The following KIF13B variants were observed in gnomAD, a reference collection of about 807,000 sequenced individuals.
KIF13B encodes kinesin family member 13B.
In KIF13B, 127 loss-of-function variants were observed where a neutral mutation model predicts 222.0. That is an observed-to-expected ratio of 0.57 (90% confidence interval 0.50 to 0.66). The LOEUF (loss-of-function observed/expected upper bound fraction) is 0.66, where lower values mean the gene tolerates loss of function less well. Among genes scored for constraint, KIF13B ranks in the 30% least tolerant of loss-of-function variants. The pLI, the probability that KIF13B is intolerant of heterozygous loss-of-function variation, is 0.00. For synonymous variants in KIF13B, 976 were observed against 919.0 expected (o/e 1.06, Z -1.12); for missense variants, 2,173 against 2,379.0 (o/e 0.91, Z 1.80).
At chr8:29,232,824 A>T (rs1815345757) in intron 2 of KIF13B, among the ~76,000 whole-genome samples, 1 of 152,022 alleles carries the variant, frequency 6.6e-6, no homozygotes, top group Non-Finnish European at 1.5e-5. Context: ...CACCCATACC[A>T]CTGCCCACTC....
At position 29,167,558 on chromosome 8, in the gene KIF13B, C is replaced by T. The variant is rs761608308; in HGVS notation, c.973G>A (p.Ala325Thr). The T allele has an allele frequency of 1.4e-5, 23 of 1,613,820 alleles. No homozygotes were observed. Among genetic ancestry groups the T allele is most frequent in the Middle Eastern group, 3.3e-4 (2 of 6,084 alleles). The change falls in exon 11 of 40, where the codon GCC (alanine) becomes ACC (threonine). Residue 325 changes from alanine (A) to threonine (T), a missense_variant. This residue lies in a region of KIF13B where 1,480 missense variants were observed against 1,722.8 expected (regional missense o/e 0.86). Transcript: ENST00000524189. Reference sequence around the variant, plus strand: ...GCAGGACTCACAGTAGCCACCATGGCGGTCTTGCTGTTACCCCCGAGGCTG... The same window carrying T: ...GCAGGACTCACAGTAGCCACCATGGTGGTCTTGCTGTTACCCCCGAGGCTG... ...KDSLGGNSKT[A>T]MVATVSPAAD...
chr8:29,084,410 T>C (rs558834437), intron 37 of KIF13B, among the ~76,000 whole-genome samples: 35 of 152,372 alleles, frequency 2.3e-4, no homozygotes, highest in Non-Finnish European at 4.4e-4. Context: ...TGGATAATTA[T>C]ACAGACACCT....
chr8:29,154,705 C>A (rs1199938434), intron 14 of KIF13B, among the ~76,000 whole-genome samples: 1 of 152,128 alleles, frequency 6.6e-6, no homozygotes, highest in African/African-American at 2.4e-5. Context: ...GATGACGTGG[C>A]CTGCTCTGTC....
At chr8:29,225,943 T>C (rs1435207718) in intron 2 of KIF13B, among the ~76,000 whole-genome samples, 3 of 152,150 alleles carry the variant, frequency 2.0e-5, no homozygotes, top group African/African-American at 4.8e-5. Context: ...AAGGGTGAAG[T>C]GAGAGGGAAC....
Position 29,071,514 on chromosome 8 carries a change from G to C in KIF13B, c.5218+106C>G. ...AGCTTCAGCCAAGCCGCTGCCTCCC[G>C]GCCCCTCCCTCTCCTGCCCGGACCC... On this transcript the variant is annotated intron_variant, in intron 39 of 39. Coordinates refer to ENST00000524189, the MANE Select transcript of KIF13B (RefSeq NM_015254.4). This position sits in a 1 kb window ranked among gnomAD's most constrained non-coding sequence, Gnocchi z 4.9. 1.9e-6 allele frequency: 2 copies of C among 1,046,098 alleles called. No individual in the cohort carries two copies. The highest frequency in any genetic ancestry group is 5.2e-5 in the East Asian group (2 of 38,210). The allele number at this position is 1,046,098 out of a possible 1,614,324, so 64.8% of individuals were successfully genotyped here.
chr8:29,075,565 A>G (rs1246246660), intron 37 of KIF13B, among the ~76,000 whole-genome samples: 1 of 145,834 alleles, frequency 6.9e-6, no homozygotes, highest in Non-Finnish European at 1.5e-5. Flanking sequence ...ACCAACACAC[A>G]TGGTGCACTT....
At chr8:29,247,483 T>C (rs1816079699) in intron 1 of KIF13B, among the ~76,000 whole-genome samples, 1 of 152,142 alleles carries the variant, frequency 6.6e-6, no homozygotes, top group Non-Finnish European at 1.5e-5. Flanking sequence ...ATCATGTATC[T>C]AATAAGGAAC....
rs138124103 is a variant in KIF13B, at chr8:29,256,187, A to G, written c.55+6793T>C. 2.9e-3 allele frequency among the ~76,000 whole-genome samples: 443 copies of G among 152,288 alleles called. 1 individual carries two copies. Among genetic ancestry groups the G allele is most frequent in the African/African-American group, 0.01 (428 of 41,556 alleles). ...CACTGACGACACACTGTTGACTGAG[A>G]CTAGAACTCATCATTTCCCACACCT... On this transcript the variant is annotated intron_variant, in intron 1 of 39. Coordinates refer to ENST00000524189, the MANE Select transcript of KIF13B (RefSeq NM_015254.4).
intron 14 of KIF13B, among the ~76,000 whole-genome samples, chr8:29,152,903 A>C (rs1188870297): frequency 2.0e-5 from 3 of 152,192 alleles, no homozygotes; most frequent in Non-Finnish European, 4.4e-5. Flanking sequence ...GTTAAGGAAT[A>C]TATATTAAGA....
rs2130442802 is a variant in KIF13B at position 29,205,711 on chromosome 8, T to C, written c.150-9512A>G. ...AGAATTAATAGCTATGAAATCAAAT[T>C]AAACCTAAAGCCTTTGTCTTCACTA... On this transcript the variant is annotated intron_variant, in intron 2 of 39. Coordinates refer to ENST00000524189, the MANE Select transcript of KIF13B (RefSeq NM_015254.4). Among the ~76,000 whole-genome samples, 3 of 152,264 alleles carry C rather than the reference T, an allele frequency of 2.0e-5. No individual in the cohort carries two copies. In the East Asian group the frequency reaches 5.8e-4, roughly 29 times the overall value.
At chr8:29,234,250 A>C (rs1360417833) in intron 2 of KIF13B, among the ~76,000 whole-genome samples, 1 of 152,164 alleles carries the variant, frequency 6.6e-6, no homozygotes, top group Admixed American at 6.5e-5. Context: ...CAAGAGGAAA[A>C]AGGTAGAAGC....
chr8:29,249,792 G>A (rs897587615), intron 1 of KIF13B, among the ~76,000 whole-genome samples: 6 of 152,114 alleles, frequency 3.9e-5, no homozygotes, highest in South Asian at 2.1e-4. Flanking sequence ...GAATCAAAAG[G>A]AAAACTTTAG....
At chr8:29,076,910 G>A (rs537447935) in intron 37 of KIF13B, among the ~76,000 whole-genome samples, 5 of 152,298 alleles carry the variant, frequency 3.3e-5, no homozygotes, top group Admixed American at 6.5e-5. Context: ...AGGAGTTGGA[G>A]GCTGCAGTGA....
chr8:29,123,998 A>G, intron 27 of KIF13B, 26 bp downstream of exon 27: 1 of 1,428,070 alleles, frequency 7.0e-7, no homozygotes, highest in Non-Finnish European at 9.9e-7. Flanking sequence ...TGCAGGGGAG[A>G]AAAATATTCT....
At position 29,068,764 on chromosome 8, in the gene KIF13B, G is replaced by A. The variant is rs1343298074; in HGVS notation, c.*1740C>T. 1 of 152,434 alleles carries A rather than the reference G, an allele frequency of 6.6e-6. No homozygotes were observed. Among genetic ancestry groups the A allele is most frequent in the Non-Finnish European group, 1.5e-5 (1 of 68,212 alleles). The allele number at this position is 152,434 out of a possible 1,614,324, so 9.4% of individuals were successfully genotyped here. On this transcript the variant is annotated 3_prime_UTR_variant, in exon 40 of 40. Transcript: ENST00000524189. This position sits in a 1 kb window ranked among gnomAD's most constrained non-coding sequence, Gnocchi z 4.4. ...CGGACCCAAAAACAAACTTCTCAGT[G>A]AAACAGGTTTTAAAAAGAAAGCCGC...
intron 19 of KIF13B, 167 bp from the exon 20 acceptor site, chr8:29,140,784 T>C (rs1810784181): frequency 3.2e-6 from 2 of 615,830 alleles, no homozygotes; most frequent in Non-Finnish European, 5.5e-6. Context: ...AGCACAGCGC[T>C]GTATTACTCC....
chr8:29,118,922 C>T lies in KIF13B; in HGVS notation c.3606G>A (p.Gly1202=). The change falls in exon 30 of 40, where the codon GGG becomes GGA. Residue 1202 remains glycine, a synonymous_variant. Coordinates refer to ENST00000524189, the MANE Select transcript of KIF13B (RefSeq NM_015254.4). ...EAGGWDATLT[G]EEEEEFFELQ... is the part of the protein sequence containing the mutation. ...ATTCAAAGAACTCCTCTTCTTCTTC[C>T]CCAGTCAAGGTCGCATCCCATCCAC... is the stretch of plus-strand genomic sequence containing the variant. The T allele has an allele frequency of 1.2e-6, 2 of 1,613,944 alleles. No individual in the cohort carries two copies. Among genetic ancestry groups the T allele is most frequent in the Non-Finnish European group, 1.7e-6 (2 of 1,179,854 alleles).
rs199660413 is a variant in KIF13B, at chr8:29,191,021, C to G, written c.199G>C (p.Glu67Gln). 4.3e-5 allele frequency: 70 copies of G among 1,612,896 alleles called. No individual in the cohort carries two copies. In the African/African-American group the frequency reaches 6.3e-4, roughly 14 times the overall value. ...CCTGCATACTTTTCTTTGACAGATT[C>G]ATCCATAGACCAGAAACAATGATCA... The part of the protein sequence containing the change: ...AYDHCFWSMD[E>Q]SVKEKYAGQD... Residue 67 changes from glutamate to glutamine, a missense_variant, in exon 4 of 40, where the codon GAA (glutamate) becomes CAA (glutamine). Glu to Gln is a conservative substitution (Grantham distance 29, BLOSUM62 2). This residue lies in a region of KIF13B where 1,480 missense variants were observed against 1,722.8 expected (regional missense o/e 0.86). Transcript: ENST00000524189.
intron 2 of KIF13B, among the ~76,000 whole-genome samples, chr8:29,206,259 T>C (rs980824514): frequency 1.1e-4 from 17 of 152,122 alleles, no homozygotes; most frequent in African/African-American, 3.9e-4. Flanking sequence ...ACCTTGTCTC[T>C]ATGAAAAAAT....
Sources: allele counts gnomAD v4.1 joint callset (sites outside exome capture counted in the v4.1 genomes callset), GRCh38; gene constraint gnomAD v4.1.1; regional missense constraint gnomAD v4.1.1; non-coding constraint Gnocchi (gnomAD v3.1); transcripts MANE v1.5; gene names NCBI Gene and HGNC (gene_info 2026-07-23, HGNC 2026-07-21).